Variants in FOXP2 observed in about 807,000 individuals in gnomAD.
The protein encoded by FOXP2 is forkhead box protein P2.
In FOXP2, 12 loss-of-function variants were observed where a neutral mutation model predicts 115.8. The observed-to-expected ratio is 0.10, with a 90% CI of 0.07 to 0.17. FOXP2 has a LOEUF of 0.17. FOXP2 is among the 10% of genes least tolerant of loss of function. The pLI, the probability that FOXP2 is intolerant of heterozygous loss-of-function variation, is 1.00. For synonymous variants in FOXP2, 328 were observed against 297.7 expected (o/e 1.10, Z -1.05); for missense variants, 629 against 843.5 (o/e 0.75, Z 3.15).
intron 1 of FOXP2, among the ~76,000 whole-genome samples, chr7:114,166,823 A>T (rs1009151474): frequency 1.3e-5 from 2 of 152,248 alleles, no homozygotes; most frequent in African/African-American, 4.8e-5. Flanking sequence ...ATATGAAAAG[A>T]TGCTCAATAT....
At chr7:114,442,315 A>T (rs527387348) in intron 2 of FOXP2, among the ~76,000 whole-genome samples, 4 of 152,062 alleles carry the variant, frequency 2.6e-5, no homozygotes, top group African/African-American at 4.8e-5. Context: ...GCCGGAGGTA[A>T]GAAGGAGCAG....
In FOXP2 at chr7:114,691,112, A is replaced by C; in HGVS notation, c.*1186A>C. ...CCAAAACGATTATGTACTTGATGCAAATGCAGATTGCATATTGTTATATAT... is the reference window on the plus strand; with the variant it reads ...CCAAAACGATTATGTACTTGATGCACATGCAGATTGCATATTGTTATATAT... On this transcript the variant is annotated 3_prime_UTR_variant, in exon 17 of 17. Transcript: ENST00000350908. The C allele has an allele frequency of 2.2e-6, 1 of 454,070 alleles. No homozygotes were observed. The highest frequency in any genetic ancestry group is 1.6e-5 in the South Asian group (1 of 64,468). 28.1% of individuals were successfully genotyped at this position (454,070 alleles called of 1,614,324 possible). A position where few individuals can be genotyped will look rare whatever the true frequency, so the allele number is the denominator to read the frequency against.
At chr7:114,647,111 T>G (rs1160090388) in intron 8 of FOXP2, among the ~76,000 whole-genome samples, 1 of 151,952 alleles carries the variant, frequency 6.6e-6, no homozygotes, top group Non-Finnish European at 1.5e-5. Flanking sequence ...TAGAAATAAA[T>G]TTTACAGCTT....
chr7:114,520,406 A>T (rs1279228666), intron 2 of FOXP2, among the ~76,000 whole-genome samples: 7 of 152,060 alleles, frequency 4.6e-5, no homozygotes, highest in Middle Eastern at 3.2e-3. Flanking sequence ...ATAATGAAAA[A>T]ACAAAAAGAC....
intron 2 of FOXP2, among the ~76,000 whole-genome samples, chr7:114,475,270 C>T (rs1291211704): frequency 1.3e-5 from 2 of 152,030 alleles, no homozygotes; most frequent in Admixed American, 6.6e-5. Context: ...CGTTACTTGT[C>T]TCTCTATATA....
At chr7:114,472,600 G>A (rs377201956) in intron 2 of FOXP2, among the ~76,000 whole-genome samples, 138 of 152,132 alleles carry the variant, frequency 9.1e-4, no homozygotes, top group African/African-American at 3.2e-3. Flanking sequence ...CACCAACCTC[G>A]GCCTCCCAGA....
chr7:114,412,509 G>A (rs529710898), upstream of FOXP2, among the ~76,000 whole-genome samples: 126 of 152,186 alleles, frequency 8.3e-4, no homozygotes, highest in Non-Finnish European at 1.5e-3. Flanking sequence ...GATTGTTTGT[G>A]TTTATTGGGA....
Position 114,277,059 on chromosome 7 carries a change from G to C in FOXP2, c.-101-10960G>C, listed in dbSNP as rs1426160281. Among the ~76,000 whole-genome samples, 7 of 152,004 alleles carry C rather than the reference G, an allele frequency of 4.6e-5. No individual in the cohort carries two copies. The East Asian group carries it at 5.8e-4, about 13-fold the overall frequency. ...CAACTAGTTTTCTCCTCTATCATAG[G>C]AGCTCCTAAACCAGATATGGAGGGG... On this transcript the variant is annotated intron_variant, in intron 1 of 17. Coordinates refer to the FOXP2 transcript ENST00000634411.
chr7:114,509,223 A>C (rs1797959888), intron 2 of FOXP2, among the ~76,000 whole-genome samples: 1 of 152,048 alleles, frequency 6.6e-6, no homozygotes, highest in Admixed American at 6.6e-5. Context: ...AAGTCCTTGG[A>C]GGCCTTAGAA....
chr7:114,158,110 T>C (rs899443948), upstream of FOXP2, among the ~76,000 whole-genome samples: 5 of 152,046 alleles, frequency 3.3e-5, no homozygotes, highest in African/African-American at 1.2e-4. Context: ...CAAAAGAGGA[T>C]GAAAAATTGC....
chr7:114,281,376 C>A (rs1306647296), intron 1 of FOXP2, among the ~76,000 whole-genome samples: 2 of 152,038 alleles, frequency 1.3e-5, no homozygotes, highest in Admixed American at 6.6e-5. Context: ...TCTGGGATTA[C>A]AGGCATGAGC....
At chr7:114,277,295 A>G (rs1291603630) in intron 1 of FOXP2, among the ~76,000 whole-genome samples, 1 of 152,180 alleles carries the variant, frequency 6.6e-6, no homozygotes, top group Non-Finnish European at 1.5e-5. Flanking sequence ...ATTTTCTAAC[A>G]TGTTTGACTT....
chr7:114,482,451 C>T (rs2106900), intron 2 of FOXP2, among the ~76,000 whole-genome samples: 63,024 of 151,238 alleles, frequency 0.42, 13,558 homozygotes, highest in Admixed American at 0.49. Flanking sequence ...TTTGACCCTT[C>T]CTGCTTTGGC....
chr7:114,305,558 C>T (rs1415345190), intron 2 of FOXP2, among the ~76,000 whole-genome samples: 1 of 152,086 alleles, frequency 6.6e-6, no homozygotes, highest in East Asian at 1.9e-4. Context: ...AGTACAACGC[C>T]TGTAAAATTA....
intron 2 of FOXP2, among the ~76,000 whole-genome samples, chr7:114,312,703 T>A (rs1797175906): frequency 6.6e-6 from 1 of 152,322 alleles, no homozygotes; most frequent in Non-Finnish European, 1.5e-5. Context: ...TGGTTCCCCT[T>A]GCCTCAAGTC....
upstream of FOXP2, among the ~76,000 whole-genome samples, chr7:114,160,715 G>A (rs572934969): frequency 6.6e-6 from 1 of 151,724 alleles, no homozygotes; most frequent in East Asian, 1.9e-4. Flanking sequence ...TTAGGGTTAA[G>A]GTTAAGAAAA....
intron 3 of FOXP2, among the ~76,000 whole-genome samples, chr7:114,572,624 AT>A (rs1801373004): frequency 1.3e-5 from 2 of 151,818 alleles, no homozygotes; most frequent in Admixed American, 1.3e-4. Context: ...AGTTTTCCTA[AT>A]TAGTAACACT....
At chr7:114,536,087 A>T (rs2129278152) in intron 3 of FOXP2, among the ~76,000 whole-genome samples, 1 of 151,700 alleles carries the variant, frequency 6.6e-6, no homozygotes, top group South Asian at 2.1e-4. Context: ...TTTACATAGA[A>T]GTCACAGAAG....
At chr7:114,408,188 G>T (rs552504625) in intron 2 of FOXP2, among the ~76,000 whole-genome samples, 2 of 152,164 alleles carry the variant, frequency 1.3e-5, no homozygotes, top group South Asian at 2.1e-4. Flanking sequence ...GTCATAAAAA[G>T]ACATCAGAAG....
Sources: allele counts gnomAD v4.1 joint callset (sites outside exome capture counted in the v4.1 genomes callset), GRCh38; gene constraint gnomAD v4.1.1; transcripts MANE v1.5; gene names NCBI Gene and HGNC (gene_info 2026-07-23, HGNC 2026-07-21).